ATP8A1: variants seen among roughly 807,000 people sequenced by gnomAD.
ATP8A1 encodes ATPase phospholipid transporting 8A1.
A neutral mutation model predicts 177.7 loss-of-function variants in ATP8A1; 90 were observed. That is an observed-to-expected ratio of 0.51 (90% confidence interval 0.43 to 0.60). The LOEUF is 0.60. Ranked by LOEUF, ATP8A1 falls within the 20% of genes least tolerant of loss-of-function variation. The pLI is 0.00. For missense variants in ATP8A1, 1,072 were observed against 1,392.8 expected, an observed-to-expected ratio of 0.77 and a Z score of 3.67; for synonymous variants, 493 against 485.9, an observed-to-expected ratio of 1.01 and a Z score of -0.19.
At chr4:42,613,084 C>G (rs1577702039) in intron 5 of ATP8A1, among the ~76,000 whole-genome samples, 1 of 152,144 alleles carries the variant, frequency 6.6e-6, no homozygotes, top group African/African-American at 2.4e-5. Context: ...TTCAGAAAAG[C>G]AAATTGAATT....
At chr4:42,433,856 T>A (rs373428354) in intron 33 of ATP8A1, among the ~76,000 whole-genome samples, 61 of 139,282 alleles carry the variant, frequency 4.4e-4, no homozygotes, top group South Asian at 6.7e-4. Flanking sequence ...AAGAGAGTAA[T>A]AAAAAAAAAA....
At chr4:42,628,173 T>C (rs574340233) in intron 1 of ATP8A1, among the ~76,000 whole-genome samples, 84 of 152,248 alleles carry the variant, frequency 5.5e-4, no homozygotes, top group Middle Eastern at 3.4e-3. Context: ...AAATGAGTGG[T>C]TGACTGTTTT....
intron 19 of ATP8A1, among the ~76,000 whole-genome samples, chr4:42,546,302 A>G (rs1224381224): frequency 6.6e-6 from 1 of 151,988 alleles, no homozygotes; most frequent in Non-Finnish European, 1.5e-5. Flanking sequence ...GAAGCTGGAA[A>G]CCATCATTCT....
intron 25 of ATP8A1, among the ~76,000 whole-genome samples, chr4:42,480,180 G>A (rs1721527723): frequency 6.6e-6 from 1 of 152,020 alleles, no homozygotes; most frequent in Non-Finnish European, 1.5e-5. Context: ...CTTACCTGGT[G>A]GTGGTCATCA....
At chr4:42,547,162 A>G (rs1407927132) in intron 19 of ATP8A1, among the ~76,000 whole-genome samples, 1 of 151,830 alleles carries the variant, frequency 6.6e-6, no homozygotes, top group Non-Finnish European at 1.5e-5. Flanking sequence ...AAACATTTCA[A>G]CCTCCACATC....
chr4:42,425,718 ATGGTGG>A (rs1714532963), intron 33 of ATP8A1, among the ~76,000 whole-genome samples: 2 of 152,084 alleles, frequency 1.3e-5, no homozygotes, highest in Non-Finnish European at 2.9e-5. Context: ...TCCTGAGACA[ATGGTGG>A]ATTGCTCCGA....
chr4:42,577,636 A>T (rs1346236467), intron 12 of ATP8A1, among the ~76,000 whole-genome samples: 2 of 152,176 alleles, frequency 1.3e-5, no homozygotes, highest in East Asian at 3.8e-4. Flanking sequence ...TAAAACTAAG[A>T]CATTTAAAAA....
At chr4:42,619,267 T>C (rs1244514938) in intron 4 of ATP8A1, among the ~76,000 whole-genome samples, 2 of 152,174 alleles carry the variant, frequency 1.3e-5, no homozygotes, top group African/African-American at 4.8e-5. Context: ...CTACGCATTG[T>C]AGGCTTTGAA....
At position 42,526,274 on chromosome 4, in the gene ATP8A1, T is replaced by C. The variant is rs540236512; in HGVS notation, c.1723-1427A>G. Reference sequence around the variant, plus strand: ...GATGTGGCCTTCTGCATTACATGTATAGTATGTTTTTAAAATGAAAATGGG... The same window carrying C: ...GATGTGGCCTTCTGCATTACATGTACAGTATGTTTTTAAAATGAAAATGGG... On this transcript the variant is annotated intron_variant, in intron 20 of 36. Coordinates refer to ENST00000381668, the MANE Select transcript of ATP8A1 (RefSeq NM_006095.2). Among the ~76,000 whole-genome samples the C allele has an allele frequency of 6.6e-5, 10 of 152,254 alleles. No homozygotes were observed. In the East Asian group the frequency reaches 1.7e-3, roughly 26 times the overall value.
Position 42,410,775 on chromosome 4 carries a change from C to A in ATP8A1, c.*2141G>T, listed in dbSNP as rs1327013711. The A allele has an allele frequency of 6.6e-6, 1 of 152,072 alleles. No individual in the cohort carries two copies. The highest frequency in any genetic ancestry group is 6.5e-5 in the Admixed American group (1 of 15,276). 9.4% of individuals were successfully genotyped at this position (152,072 alleles called of 1,614,324 possible). A position where few individuals can be genotyped will look rare whatever the true frequency, so the allele number is the denominator to read the frequency against. ...CGTTTCAAGATTAAAATAAAACTTACATTTTTAAGTCAGAAAATCCAGTTC... is the reference window on the plus strand; with the variant it reads ...CGTTTCAAGATTAAAATAAAACTTAAATTTTTAAGTCAGAAAATCCAGTTC... On this transcript the variant is annotated 3_prime_UTR_variant, in exon 37 of 37. Transcript: ENST00000381668.
chr4:42,543,944 T>C lies in ATP8A1; in HGVS notation c.1695A>G (p.Gly565=), dbSNP rs1728643859. The C allele has an allele frequency of 6.8e-6, 11 of 1,613,062 alleles. No homozygotes were observed. In the African/African-American group the frequency reaches 9.3e-5, roughly 14 times the overall value. ...CTCCTTTGCAGTAGAGTCGTAACTT[T>C]CCAGATGGAGTGCGAACAATCACTG... ...RMSVIVRTPS[G]KLRLYCKGAD... is the part of the protein sequence containing the mutation. The change falls in exon 20 of 37, where the codon GGA becomes GGG. Residue 565 remains glycine (G), a synonymous_variant. Coordinates refer to ENST00000381668, the MANE Select transcript of ATP8A1 (RefSeq NM_006095.2).
At chr4:42,543,084 T>C (rs1490589509) in intron 20 of ATP8A1, among the ~76,000 whole-genome samples, 5 of 152,192 alleles carry the variant, frequency 3.3e-5, no homozygotes, top group South Asian at 2.1e-4. Flanking sequence ...TGAGACATCA[T>C]GAAATAATTC....
intron 21 of ATP8A1, among the ~76,000 whole-genome samples, 181 bp downstream of exon 21, chr4:42,524,582 T>C (rs1421639097): frequency 3.3e-5 from 5 of 152,136 alleles, no homozygotes; most frequent in Admixed American, 2.0e-4. Flanking sequence ...ATAAATATAG[T>C]TTTAGGAAAG....
chr4:42,606,948 T>C (rs1360868993), intron 5 of ATP8A1, among the ~76,000 whole-genome samples: 1 of 152,232 alleles, frequency 6.6e-6, no homozygotes, highest in Non-Finnish European at 1.5e-5. Flanking sequence ...CACAAACTTA[T>C]CCATTCCTTG....
In ATP8A1 at chr4:42,576,366, C is replaced by T. The variant is rs532208782; in HGVS notation, c.1129-667G>A. Reference sequence around the variant, plus strand: ...TGGCAGGCACCTGCAGTCCCAGCTACGGTGGAGGCTGAGGCAGGAGAATGG... The same window carrying T: ...TGGCAGGCACCTGCAGTCCCAGCTATGGTGGAGGCTGAGGCAGGAGAATGG... On this transcript the variant is annotated intron_variant, in intron 12 of 36. Coordinates refer to ENST00000381668, the MANE Select transcript of ATP8A1 (RefSeq NM_006095.2). Among the ~76,000 whole-genome samples, 7 of 147,752 alleles carry T rather than the reference C, an allele frequency of 4.7e-5. No homozygotes were observed. The South Asian group carries it at 8.7e-4, about 18-fold the overall frequency.
In ATP8A1 at chr4:42,555,959, G is replaced by A. The variant is rs1730189759; in HGVS notation, c.1413+9C>T. 1 of 1,582,356 alleles carries A rather than the reference G, an allele frequency of 6.3e-7. No individual in the cohort carries two copies. Among genetic ancestry groups the A allele is most frequent in the Admixed American group, 1.7e-5 (1 of 58,970 alleles). ...ACTAACAAAAAGACAATGGTTTTATGTAACTTACATGATTATTTTGGAGAT... is the reference window on the plus strand; with the variant it reads ...ACTAACAAAAAGACAATGGTTTTATATAACTTACATGATTATTTTGGAGAT... On this transcript the variant is annotated intron_variant, in intron 16 of 36. Coordinates refer to ENST00000381668, the MANE Select transcript of ATP8A1 (RefSeq NM_006095.2).
rs770028517 is a variant in ATP8A1, at chr4:42,569,203, T to C, written c.1298A>G (p.His433Arg). The part of the protein sequence containing the change: ...KCTIAGVAYG[H>R]VPEPEDYGCS... ...GCCATAATCCTCAGGTTCAGGGACATGGCTTCAGAAAGCAAGAAGAGAGGC... is the reference window on the plus strand; with the variant it reads ...GCCATAATCCTCAGGTTCAGGGACACGGCTTCAGAAAGCAAGAAGAGAGGC... Residue 433 changes from histidine to arginine, a missense_variant and splice_region_variant, in exon 15 of 37, where the codon CAT (histidine) becomes CGT (arginine). This residue lies in a region of ATP8A1 where 388 missense variants were observed against 471.7 expected (regional missense o/e 0.82). Transcript: ENST00000381668. 7 of 1,606,462 alleles carry C rather than the reference T, an allele frequency of 4.4e-6. No individual in the cohort carries two copies. Among genetic ancestry groups the C allele is most frequent in the Admixed American group, 3.4e-5 (2 of 59,140 alleles).
intron 22 of ATP8A1, 22 bp downstream of exon 22, chr4:42,522,138 A>G (rs1726190657): frequency 6.3e-7 from 1 of 1,590,326 alleles, no homozygotes; most frequent in South Asian, 1.2e-5. Context: ...CCTCTGTATG[A>G]TCAACAGAAT....
intron 35 of ATP8A1, among the ~76,000 whole-genome samples, chr4:42,418,576 A>C (rs755175374): frequency 1.3e-5 from 2 of 151,844 alleles, no homozygotes; most frequent in Non-Finnish European, 2.9e-5. Context: ...GTTCTTAAGA[A>C]CTCAGCTCCT....
Sources: allele counts gnomAD v4.1 joint callset (sites outside exome capture counted in the v4.1 genomes callset), GRCh38; gene constraint gnomAD v4.1.1; regional missense constraint gnomAD v4.1.1; transcripts MANE v1.5; gene names NCBI Gene and HGNC (gene_info 2026-07-23, HGNC 2026-07-21).